Variants in ARHGEF10L observed in about 807,000 individuals in gnomAD.
ARHGEF10L encodes rho guanine nucleotide exchange factor 10-like protein.
ARHGEF10L carries 69 observed loss-of-function variants against 141.2 expected under a neutral mutation model. The observed-to-expected ratio is 0.49, with a 90% CI of 0.40 to 0.60. ARHGEF10L has a LOEUF of 0.60. Ranked by LOEUF, ARHGEF10L falls within the 20% of genes least tolerant of loss-of-function variation. The pLI, the probability that ARHGEF10L is intolerant of heterozygous loss-of-function variation, is 0.00. For synonymous variants in ARHGEF10L, 711 were observed against 718.5 expected (o/e 0.99, Z 0.17); for missense variants, 1,482 against 1,734.3 (o/e 0.85, Z 2.58).
chr1:17,554,216 G>A (rs2077217904), intron 1 of ARHGEF10L, among the ~76,000 whole-genome samples: 1 of 152,178 alleles, frequency 6.6e-6, no homozygotes, highest in African/African-American at 2.4e-5. Flanking sequence ...CACTAAATGG[G>A]TGAGTCACAG....
rs150383061 is a variant in ARHGEF10L, at chr1:17,676,694, G to A, written c.3010-10879G>A. Among the ~76,000 whole-genome samples, 351 of 152,066 alleles carry A rather than the reference G, an allele frequency of 2.3e-3. 4 individuals are homozygous for A. Among genetic ancestry groups the A allele is most frequent in the Middle Eastern group, 0.01 (3 of 294 alleles). On this transcript the variant is annotated intron_variant, in intron 26 of 28. Transcript: ENST00000361221. ...ATCAGAACTATCCAGGTTGCCTGTG[G>A]CCCAAAGTCAAGGCCCCCCAGGCTG...
chr1:17,682,383 G>C (rs868473480), intron 26 of ARHGEF10L, among the ~76,000 whole-genome samples: 3 of 152,110 alleles, frequency 2.0e-5, no homozygotes, highest in Non-Finnish European at 4.4e-5. Flanking sequence ...CACCACATAG[G>C]TTCAGAATCA....
chr1:17,554,171 G>A (rs1410970153), intron 1 of ARHGEF10L, among the ~76,000 whole-genome samples: 8 of 152,114 alleles, frequency 5.3e-5, no homozygotes, highest in African/African-American at 9.7e-5. Flanking sequence ...CAGTTCATCC[G>A]CCCTTGAGAA....
the ARHGEF10L span, among the ~76,000 whole-genome samples, chr1:17,530,685 G>A: frequency 1.3e-5 from 2 of 152,114 alleles, no homozygotes; most frequent in African/African-American, 4.8e-5. Context: ...TTACCTTTCC[G>A]GACCTCAGTT....
chr1:17,612,137 C>G (rs1037815567), intron 7 of ARHGEF10L, among the ~76,000 whole-genome samples: 2 of 152,190 alleles, frequency 1.3e-5, no homozygotes, highest in African/African-American at 4.8e-5. Flanking sequence ...CTAGTGTCAG[C>G]TCACAAGAAC....
intron 2 of ARHGEF10L, among the ~76,000 whole-genome samples, chr1:17,586,648 C>T (rs530684806): frequency 2.6e-5 from 4 of 152,222 alleles, no homozygotes; most frequent in Admixed American, 6.5e-5. Context: ...TGGTCTGGGC[C>T]GGTCCAGGAC....
Position 17,615,907 on chromosome 1 carries a change from G to A in ARHGEF10L, c.727-187G>A. ...CAGCCTCCTGTTGCCCCTAAAGAGG[G>A]AGATCCCCGGGCATGAACGCACCTT... is the stretch of plus-strand genomic sequence containing the variant. On this transcript the variant is annotated intron_variant, in intron 8 of 28. Transcript: ENST00000361221. The surrounding 1 kb of genome is among the most constrained non-coding windows in gnomAD (Gnocchi z 4.7). 6 of 579,546 alleles carry A rather than the reference G, an allele frequency of 1.0e-5. No individual in the cohort carries two copies. Among genetic ancestry groups the A allele is most frequent in the Non-Finnish European group, 9.5e-6 (3 of 315,304 alleles). 35.9% of individuals were successfully genotyped at this position (579,546 alleles called of 1,614,324 possible).
chr1:17,633,066 T>C (rs1457189921), intron 16 of ARHGEF10L, among the ~76,000 whole-genome samples: 1 of 152,194 alleles, frequency 6.6e-6, no homozygotes, highest in Non-Finnish European at 1.5e-5. Context: ...CTCCTGGGTA[T>C]CTTATGTTTT....
intron 4 of ARHGEF10L, among the ~76,000 whole-genome samples, chr1:17,588,875 T>TGC (rs1250619106): frequency 2.5e-4 from 16 of 64,726 alleles, no homozygotes; most frequent in African/African-American, 1.1e-3. Flanking sequence ...TGTGTGTGTG[T>TGC]GTGTGTGTGT....
At position 17,603,608 on chromosome 1, in the gene ARHGEF10L, G is replaced by A. The variant is rs370160453; in HGVS notation, c.433+17G>A. 30 of 1,599,994 alleles carry A rather than the reference G, an allele frequency of 1.9e-5. No homozygotes were observed. In the African/African-American group the frequency reaches 3.1e-4, roughly 16 times the overall value. Reference sequence around the variant, plus strand: ...ATCAGCCCGGTATGATGTCTGCAGTGCTTCCCTGTTTCTCTTGGGGACAGG... The same window carrying A: ...ATCAGCCCGGTATGATGTCTGCAGTACTTCCCTGTTTCTCTTGGGGACAGG... On this transcript the variant is annotated intron_variant, in intron 6 of 28. Transcript: ENST00000361221. This position sits in a 1 kb window ranked among gnomAD's most constrained non-coding sequence, Gnocchi z 4.8.
At chr1:17,542,135 T>G (rs988214880) in intron 1 of ARHGEF10L, among the ~76,000 whole-genome samples, 7 of 150,802 alleles carry the variant, frequency 4.6e-5, no homozygotes, top group African/African-American at 1.7e-4. Flanking sequence ...TGAGATTCTA[T>G]CTCAAAAGAA....
chr1:17,605,799 ACT>A (rs1304371491), intron 6 of ARHGEF10L, among the ~76,000 whole-genome samples: 1 of 152,106 alleles, frequency 6.6e-6, no homozygotes, highest in Non-Finnish European at 1.5e-5. Context: ...TACCCTGAGA[ACT>A]CTGCCTCTTT....
chr1:17,686,607 C>T lies in ARHGEF10L; in HGVS notation c.3010-966C>T, dbSNP rs144699185. On this transcript the variant is annotated intron_variant, in intron 26 of 28. Transcript: ENST00000361221. ...AGGAGGACAGTTCGGGGGGGCAGTG[C>T]GTGCTGTGTGCAAGTCATGGCCAGG... Among the ~76,000 whole-genome samples, 9 of 152,150 alleles carry T rather than the reference C, an allele frequency of 5.9e-5. 1 individual carries two copies. Among genetic ancestry groups the T allele is most frequent in the South Asian group, 4.2e-4 (2 of 4,818 alleles).
At chr1:17,651,983 A>G (rs1291864127) in intron 22 of ARHGEF10L, among the ~76,000 whole-genome samples, 1 of 152,136 alleles carries the variant, frequency 6.6e-6, no homozygotes, top group Non-Finnish European at 1.5e-5. Flanking sequence ...CTGTCCAATT[A>G]CTGCAGAAGC....
intron 1 of ARHGEF10L, among the ~76,000 whole-genome samples, chr1:17,562,462 A>G (rs1331873655): frequency 2.0e-5 from 3 of 152,158 alleles, no homozygotes; most frequent in African/African-American, 7.2e-5. Flanking sequence ...GGCCCTGGAT[A>G]TCCACCTCAT....
chr1:17,631,227 C>T (rs534687921), intron 15 of ARHGEF10L, among the ~76,000 whole-genome samples: 18 of 152,130 alleles, frequency 1.2e-4, no homozygotes, highest in African/African-American at 3.1e-4. Context: ...GTCAGAGTCA[C>T]GGGTTTTGGG....
rs563266420 is a variant in ARHGEF10L at position 17,584,365 on chromosome 1, T to C, written c.38-3095T>C. Reference sequence around the variant, plus strand: ...CAGCCTATGTTTTAAACTTTGAAAATTACCACCCATAGACATGACAACAGG... The same window carrying C: ...CAGCCTATGTTTTAAACTTTGAAAACTACCACCCATAGACATGACAACAGG... On this transcript the variant is annotated intron_variant, in intron 2 of 28. Coordinates refer to ENST00000361221, the MANE Select transcript of ARHGEF10L (RefSeq NM_018125.4). 2.6e-4 allele frequency among the ~76,000 whole-genome samples: 39 copies of C among 152,088 alleles called. No individual in the cohort carries two copies. In the South Asian group the frequency reaches 8.1e-3, roughly 32 times the overall value.
In ARHGEF10L at chr1:17,607,067, T is replaced by C. The variant is rs900950167; in HGVS notation, c.434-735T>C. 2.0e-5 allele frequency among the ~76,000 whole-genome samples: 3 copies of C among 152,170 alleles called. No individual in the cohort carries two copies. Among genetic ancestry groups the C allele is most frequent in the African/African-American group, 7.2e-5 (3 of 41,442 alleles). On this transcript the variant is annotated intron_variant, in intron 6 of 28. Coordinates refer to ENST00000361221, the MANE Select transcript of ARHGEF10L (RefSeq NM_018125.4). The surrounding 1 kb of genome is among the most constrained non-coding windows in gnomAD (Gnocchi z 4.5). ...TCCCAGGCTGCACGTGAAGTCAGAT[T>C]TGGGGTGAGGAGCCCTGAGGCCCCA...
At chr1:17,596,053 C>G (rs1446102589) in intron 4 of ARHGEF10L, among the ~76,000 whole-genome samples, 1 of 152,196 alleles carries the variant, frequency 6.6e-6, no homozygotes, top group Non-Finnish European at 1.5e-5. Context: ...CTTCTTCCCC[C>G]CTCACGCCTG....
Sources: allele counts gnomAD v4.1 joint callset (sites outside exome capture counted in the v4.1 genomes callset), GRCh38; gene constraint gnomAD v4.1.1; non-coding constraint Gnocchi (gnomAD v3.1); transcripts MANE v1.5; gene names NCBI Gene and HGNC (gene_info 2026-07-23, HGNC 2026-07-21).